Variants in FRA10AC1 observed in about 807,000 individuals in gnomAD.
FRA10AC1 encodes the protein FRA10A associated CGG repeat 1, also known as protein FRA10AC1.
Under a neutral mutation model 56.5 loss-of-function variants are expected in FRA10AC1, and 43 were observed. The observed-to-expected ratio is 0.76, with a 90% confidence interval of 0.60 to 0.98. FRA10AC1 has a LOEUF of 0.98. FRA10AC1 is among the 50% of genes least tolerant of loss of function. The pLI, the probability that FRA10AC1 is intolerant of heterozygous loss-of-function variation, is 0.00. For synonymous variants in FRA10AC1, 112 were observed against 110.5 expected (o/e 1.01, Z -0.09); for missense variants, 346 against 351.8 (o/e 0.98, Z 0.13).
In FRA10AC1 at chr10:93,669,597, A is replaced by G; in HGVS notation, c.*229T>C. The G allele has an allele frequency of 2.0e-6, 1 of 502,418 alleles. No individual in the cohort carries two copies. Among genetic ancestry groups the G allele is most frequent in the East Asian group, 3.5e-5 (1 of 28,712 alleles). The allele number at this position is 502,418 out of a possible 1,614,324, so 31.1% of individuals were successfully genotyped here. A position where few individuals can be genotyped will look rare whatever the true frequency, so the allele number is the denominator to read the frequency against. ...CCTCTAGGAGCTACAAATAAAACAG[A>G]ATTGTAGATAAGCAATTGAAAAGAT... On this transcript the variant is annotated 3_prime_UTR_variant, in exon 14 of 14. Transcript: ENST00000359204.
At chr10:93,676,560 T>C (rs2058843801) in intron 12 of FRA10AC1, 93 bp downstream of exon 12, 3 of 1,412,186 alleles carry the variant, frequency 2.1e-6, no homozygotes, top group Middle Eastern at 1.9e-4. Context: ...AAACAAAAAA[T>C]AATTCACATC....
chr10:93,680,623 ATAT>A (rs2058918322), intron 11 of FRA10AC1, among the ~76,000 whole-genome samples: 1 of 152,178 alleles, frequency 6.6e-6, no homozygotes, highest in East Asian at 1.9e-4. Context: ...TCCTGTCCAA[ATAT>A]TATATTAACA....
intron 11 of FRA10AC1, among the ~76,000 whole-genome samples, chr10:93,680,817 A>C (rs1316860179): frequency 6.6e-6 from 1 of 152,250 alleles, no homozygotes; most frequent in Non-Finnish European, 1.5e-5. Flanking sequence ...ACTTCTGAAC[A>C]ATTCTAAAAG....
chr10:93,694,440 G>A (rs546542685), intron 5 of FRA10AC1, among the ~76,000 whole-genome samples: 1 of 152,226 alleles, frequency 6.6e-6, no homozygotes, highest in South Asian at 2.1e-4. Context: ...CTGGGGCCAG[G>A]TGCAGTGGCT....
chr10:93,693,519 A>AC (rs2059167231), intron 5 of FRA10AC1, among the ~76,000 whole-genome samples: 1 of 16,230 alleles, frequency 6.2e-5, no homozygotes, highest in African/African-American at 1.5e-4. Flanking sequence ...CACCATATAT[A>AC]TATATATACA....
At chr10:93,692,582 ACT>A in intron 6 of FRA10AC1, 62 bp downstream of exon 6, 1 of 1,042,242 alleles carries the variant, frequency 9.6e-7, no homozygotes, top group Non-Finnish European at 1.5e-6. Context: ...CTAAAAAACC[ACT>A]CAGAAAACAG....
At chr10:93,685,823 T>A (rs905061102) in intron 8 of FRA10AC1, among the ~76,000 whole-genome samples, 1 of 151,958 alleles carries the variant, frequency 6.6e-6, no homozygotes, top group Non-Finnish European at 1.5e-5. Flanking sequence ...TTAATAGTTT[T>A]AAGTATTAGC....
At chr10:93,696,292 G>A (rs1194639456) in intron 4 of FRA10AC1, among the ~76,000 whole-genome samples, 2 of 152,104 alleles carry the variant, frequency 1.3e-5, no homozygotes, top group African/African-American at 4.8e-5. Flanking sequence ...CAACAGGCAC[G>A]GACTAAAAAA....
intron 10 of FRA10AC1, among the ~76,000 whole-genome samples, chr10:93,682,112 A>T (rs1004869073): frequency 3.3e-5 from 5 of 152,182 alleles, no homozygotes; most frequent in Admixed American, 2.6e-4. Context: ...TCATATATCA[A>T]CATCAGGCCA....
intron 7 of FRA10AC1, among the ~76,000 whole-genome samples, chr10:93,691,129 C>A (rs549798290): frequency 1.3e-5 from 2 of 152,254 alleles, no homozygotes; most frequent in South Asian, 4.1e-4. Context: ...TAACTGAGAT[C>A]TGCTCCTGGG....
intron 4 of FRA10AC1, 79 bp downstream of exon 4, chr10:93,698,056 TC>T: frequency 1.2e-6 from 1 of 802,352 alleles, no homozygotes; most frequent in South Asian, 2.4e-5. Flanking sequence ...CTATTTGACT[TC>T]ACAAGATTTT....
At chr10:93,679,465 T>G (rs2058896745) in intron 11 of FRA10AC1, among the ~76,000 whole-genome samples, 1 of 152,096 alleles carries the variant, frequency 6.6e-6, no homozygotes, top group Non-Finnish European at 1.5e-5. Context: ...GAAATGACAT[T>G]TAAGAGCTTA....
At chr10:93,680,359 G>T (rs185096068) in intron 11 of FRA10AC1, among the ~76,000 whole-genome samples, 1 of 152,102 alleles carries the variant, frequency 6.6e-6, no homozygotes, top group East Asian at 1.9e-4. Flanking sequence ...GACAAAAAAG[G>T]CATTCTGCTA....
chr10:93,679,426 T>G (rs1401038756), intron 11 of FRA10AC1, among the ~76,000 whole-genome samples: 1 of 151,884 alleles, frequency 6.6e-6, no homozygotes, highest in Non-Finnish European at 1.5e-5. Context: ...AGATTCAAGG[T>G]GGGGGATGAA....
chr10:93,674,448 A>G (rs1211180702), intron 12 of FRA10AC1: 1 of 152,208 alleles, frequency 6.6e-6, no homozygotes, highest in Non-Finnish European at 1.5e-5. Context: ...CTGAGAGGAT[A>G]TCTGGGGTTG....
chr10:93,681,534 G>A lies in FRA10AC1; in HGVS notation c.733C>T (p.His245Tyr). Residue 245 changes from histidine (H) to tyrosine (Y), a missense_variant, in exon 11 of 14, where the codon CAT becomes TAT. Coordinates refer to ENST00000359204, the MANE Select transcript of FRA10AC1 (RefSeq NM_145246.5). ...KTKKDCEESSHKKSRLSSAEE... is the reference protein window; with the variant it reads ...KTKKDCEESSYKKSRLSSAEE... Reference sequence around the variant, plus strand: ...GCAGAAGATAATCTGGATTTTTTATGTGATGACTCTTCACAGTCTTTTTTG... The same window carrying A: ...GCAGAAGATAATCTGGATTTTTTATATGATGACTCTTCACAGTCTTTTTTG... The A allele has an allele frequency of 2.5e-6, 4 of 1,577,402 alleles. No individual in the cohort carries two copies. The highest frequency in any genetic ancestry group is 3.4e-6 in the Non-Finnish European group (4 of 1,166,414).
At chr10:93,677,797 G>A (rs960103486) in intron 11 of FRA10AC1, among the ~76,000 whole-genome samples, 1 of 152,160 alleles carries the variant, frequency 6.6e-6, no homozygotes, top group Admixed American at 6.5e-5. Flanking sequence ...GAGATTGTGA[G>A]TTGCTAACAA....
chr10:93,681,006 G>A (rs1459209132), intron 11 of FRA10AC1, among the ~76,000 whole-genome samples: 1 of 152,042 alleles, frequency 6.6e-6, no homozygotes, highest in Non-Finnish European at 1.5e-5. Flanking sequence ...AAGTCACACA[G>A]GCCATTATAA....
At chr10:93,677,665 T>C (rs1023431375) in intron 11 of FRA10AC1, among the ~76,000 whole-genome samples, 1 of 152,160 alleles carries the variant, frequency 6.6e-6, no homozygotes, top group African/African-American at 2.4e-5. Context: ...TAGTAGTGGG[T>C]TCCTTTTCCC....
Sources: gnomAD v4.1 joint callset for allele counts (sites outside exome capture counted in the v4.1 genomes callset) on GRCh38, gnomAD v4.1.1 for gene constraint, MANE v1.5 for transcripts, NCBI Gene and HGNC (gene_info 2026-07-23, HGNC 2026-07-21) for gene names.